The following RSRP1 variants were observed in gnomAD, a reference collection of about 807,000 sequenced individuals.
The protein encoded by RSRP1 is arginine/serine-rich protein 1.
RSRP1 carries 37 observed loss-of-function variants against 33.0 expected under a neutral mutation model. The ratio of observed to expected loss-of-function variants is 1.12; its 90% confidence interval spans 0.86 to 1.48. The LOEUF is 1.48. RSRP1 is among the 40% of genes most tolerant of loss of function. The pLI is 0.00. For synonymous variants in RSRP1, 167 were observed against 158.7 expected, an observed-to-expected ratio of 1.05 and a Z score of -0.40; for missense variants, 402 against 385.3, an observed-to-expected ratio of 1.04 and a Z score of -0.36.
chr1:25,305,734 G>A lies in RSRP1; in HGVS notation c.-67+32244C>T, dbSNP rs772601236. The stretch of plus-strand genomic sequence containing the variant: ...TCCTGCCTCAGCCTCCTGAGTAGCT[G>A]GGTCTACAGGCGCCCACCACCACGC... On this transcript the variant is annotated intron_variant, in intron 1 of 1. Coordinates refer to the RSRP1 transcript ENST00000561867. Among the ~76,000 whole-genome samples the A allele has an allele frequency of 1.5e-5, 2 of 130,068 alleles. 1 individual carries two copies. The highest frequency in any genetic ancestry group is 3.6e-5 in the Non-Finnish European group (2 of 55,414). 85.3% of individuals were successfully genotyped at this position (130,068 alleles called of 152,430 possible).
intron 1 of RSRP1, among the ~76,000 whole-genome samples, chr1:25,263,913 A>C (rs1227232103): frequency 1.3e-5 from 2 of 152,042 alleles, no homozygotes; most frequent in Non-Finnish European, 2.9e-5. Context: ...TGGTCAAAAC[A>C]AAGAGGCTAC....
intron 1 of RSRP1, among the ~76,000 whole-genome samples, chr1:25,256,099 T>C (rs1447389170): frequency 6.6e-6 from 1 of 152,016 alleles, no homozygotes; most frequent in African/African-American, 2.4e-5. Flanking sequence ...ACTGTTTCGT[T>C]AAACGCTATT....
chr1:25,296,599 G>A (rs1458954846), intron 1 of RSRP1, among the ~76,000 whole-genome samples: 2 of 131,034 alleles, frequency 1.5e-5, no homozygotes, highest in Non-Finnish European at 3.6e-5. Context: ...ATCTCATCTC[G>A]AATTGTAATC....
At chr1:25,272,589 C>T (rs769405158) in intron 1 of RSRP1, 7 of 1,583,776 alleles carry the variant, frequency 4.4e-6, no homozygotes, top group East Asian at 2.2e-5. Flanking sequence ...GCTGCCTGCC[C>T]CTCTGGGCCC....
chr1:25,322,280 G>A (rs1307560402), intron 1 of RSRP1, among the ~76,000 whole-genome samples: 2 of 132,628 alleles, frequency 1.5e-5, no homozygotes, highest in African/African-American at 2.6e-5. Context: ...TGACATGCGG[G>A]TGACAGAACC....
rs958426867 is a variant in RSRP1, at chr1:25,319,302, G to A, written c.-67+18676C>T. Reference sequence around the variant, plus strand: ...GACCAACAAGTTTTCTTCTTTACATGTTGTTTTTGACATGAGCAAACTGGT... The same window carrying A: ...GACCAACAAGTTTTCTTCTTTACATATTGTTTTTGACATGAGCAAACTGGT... On this transcript the variant is annotated intron_variant, in intron 1 of 1. Coordinates refer to the RSRP1 transcript ENST00000561867. Among the ~76,000 whole-genome samples the A allele has an allele frequency of 1.5e-5, 2 of 132,348 alleles. 1 individual carries two copies. Among genetic ancestry groups the A allele is most frequent in the Non-Finnish European group, 3.6e-5 (2 of 55,862 alleles). 86.8% of individuals were successfully genotyped at this position (132,348 alleles called of 152,430 possible).
intron 3 of RSRP1, chr1:25,244,814 G>A: frequency 1.0e-6 from 1 of 954,928 alleles, no homozygotes; most frequent in Non-Finnish European, 1.4e-6. Flanking sequence ...CTCCCAAACA[G>A]CTGGGACTAC....
rs75208486 is a variant in RSRP1 at position 25,315,047 on chromosome 1, A to G, written c.-67+22931T>C. On this transcript the variant is annotated intron_variant, in intron 1 of 1. Coordinates refer to the RSRP1 transcript ENST00000561867. The stretch of plus-strand genomic sequence containing the variant: ...GTGAAGCCCTGTGCCTACTAAAAAT[A>G]CAAAAAATTAGCTGGGCGTTGTGGC... Among the ~76,000 whole-genome samples the G allele has an allele frequency of 6.7e-3, 863 of 129,226 alleles. 145 individuals are homozygous for G. Among genetic ancestry groups the G allele is most frequent in the East Asian group, 0.052 (265 of 5,072 alleles). The allele number at this position is 129,226 out of a possible 152,430, so 84.8% of individuals were successfully genotyped here. A position where few individuals can be genotyped will look rare whatever the true frequency, so the allele number is the denominator to read the frequency against.
chr1:25,311,574 CCAGAGGCTGTTCATCAGG>C lies in RSRP1; in HGVS notation c.-67+26386_-67+26403del, dbSNP rs571432820. On this transcript the variant is annotated intron_variant, in intron 1 of 1. Transcript: ENST00000561867. ...GAAAATTAGTACACATAGAACAAAG[CCAGAGGCTGTTCATCAGG>C]ACAAGGGAGAAAAACTCCAAAGCCA... 1.2e-3 allele frequency among the ~76,000 whole-genome samples: 162 copies of C among 130,206 alleles called. 23 individuals are homozygous for C. In the South Asian group the frequency reaches 0.036, roughly 29 times the overall value. 85.4% of individuals were successfully genotyped at this position (130,206 alleles called of 152,430 possible).
intron 1 of RSRP1, among the ~76,000 whole-genome samples, chr1:25,276,532 T>TAAAAAAAAAAAAAAAAAAAAA (rs557746335): frequency 2.3e-4 from 15 of 64,780 alleles, no homozygotes; most frequent in African/African-American, 1.0e-3. Context: ...CCCCCATCTC[T>TAAAAAAAAAAAAAAAAAAAAA]AAAAAAAAAA....
rs1300883004 is a variant in RSRP1 at position 25,247,044 on chromosome 1, G to A, written c.-66-15C>T. 1 of 1,366,314 alleles carries A rather than the reference G, an allele frequency of 7.3e-7. No homozygotes were observed. Among genetic ancestry groups the A allele is most frequent in the Non-Finnish European group, 9.7e-7 (1 of 1,027,174 alleles). 84.6% of individuals were successfully genotyped at this position (1,366,314 alleles called of 1,614,324 possible). On this transcript the variant is annotated splice_polypyrimidine_tract_variant and intron_variant, in intron 1 of 4. Transcript: ENST00000243189. ...CTCAGGACTTCCTAAAAAACCAAGA[G>A]AGAAAAAACAAGTCGAGTCGCGGAA... is the stretch of plus-strand genomic sequence containing the variant.
At chr1:25,306,834 C>T (rs759668376) in intron 1 of RSRP1, 1 of 1,038,986 alleles carries the variant, frequency 9.6e-7, no homozygotes, top group Admixed American at 1.8e-5. Context: ...GGGCCAGGTG[C>T]TCAGTAGGCT....
chr1:25,315,818 A>G (rs1343726260), intron 1 of RSRP1, among the ~76,000 whole-genome samples: 2 of 130,742 alleles, frequency 1.5e-5, no homozygotes. Context: ...TCTAGTCTGC[A>G]GGTAATTCTT....
chr1:25,264,087 T>C (rs1640245947), intron 1 of RSRP1, among the ~76,000 whole-genome samples: 1 of 152,024 alleles, frequency 6.6e-6, no homozygotes, highest in African/African-American at 2.4e-5. Context: ...ACAGCCTCCC[T>C]CTCAGCTGCT....
chr1:25,268,739 G>A (rs1640403013), intron 1 of RSRP1, among the ~76,000 whole-genome samples: 1 of 129,458 alleles, frequency 7.7e-6, no homozygotes, highest in African/African-American at 2.6e-5. Context: ...CTTGAGGTCA[G>A]GAGTTCAAGA....
intron 3 of RSRP1, chr1:25,244,256 C>A: frequency 7.8e-7 from 1 of 1,289,148 alleles, no homozygotes; most frequent in Non-Finnish European, 1.0e-6. Context: ...ATGAAAGGGA[C>A]ATCTTTTTCA....
intron 1 of RSRP1, among the ~76,000 whole-genome samples, chr1:25,272,878 A>AGCCT (rs1640615575): frequency 7.6e-6 from 1 of 131,986 alleles, no homozygotes; most frequent in Non-Finnish European, 1.8e-5. Context: ...CTTTAGAAGC[A>AGCCT]GCCTGGGCAT....
chr1:25,261,189 C>A (rs918023187), intron 1 of RSRP1, among the ~76,000 whole-genome samples: 38 of 152,118 alleles, frequency 2.5e-4, no homozygotes, highest in Admixed American at 1.3e-3. Flanking sequence ...TTCTTTAAAG[C>A]ACCTATTTCC....
At chr1:25,252,458 C>T (rs76423886) in intron 1 of RSRP1, among the ~76,000 whole-genome samples, 6,416 of 152,054 alleles carry the variant, frequency 0.042, 491 homozygotes, top group African/African-American at 0.15. Flanking sequence ...AGCCTAGGCT[C>T]CAGAGTCAGC....
Sources: allele counts gnomAD v4.1 joint callset (sites outside exome capture counted in the v4.1 genomes callset), GRCh38; gene constraint gnomAD v4.1.1; transcripts MANE v1.5; gene names NCBI Gene and HGNC (gene_info 2026-07-23, HGNC 2026-07-21).